LHFPL7: variants seen among roughly 807,000 people sequenced by gnomAD.
The protein encoded by LHFPL7 is LHFPL tetraspan subfamily member 7 protein.
the LHFPL7 span, chr22:24,938,435 C>A: frequency 7.0e-7 from 1 of 1,424,094 alleles, no homozygotes. Context: ...TGCTCATTGA[C>A]CAGCTTCTGA....
the LHFPL7 span, among the ~76,000 whole-genome samples, chr22:24,940,222 G>A: frequency 6.8e-6 from 1 of 146,670 alleles, no homozygotes; most frequent in Non-Finnish European, 1.5e-5. Context: ...CACCGCGCAC[G>A]GCCTATTTAT....
chr22:24,940,673 CCCT>C, the LHFPL7 span, among the ~76,000 whole-genome samples: 44 of 124,300 alleles, frequency 3.5e-4, no homozygotes, highest in African/African-American at 1.4e-3. Flanking sequence ...TTCCTTCCTT[CCCT>C]CCTTCCTTCT....
At chr22:24,940,906 G>C in the LHFPL7 span, among the ~76,000 whole-genome samples, 2 of 151,934 alleles carry the variant, frequency 1.3e-5, no homozygotes, top group Admixed American at 1.3e-4. Flanking sequence ...GACTACTGGG[G>C]CAGCTAATTT....
the LHFPL7 span, among the ~76,000 whole-genome samples, chr22:24,940,474 T>C: frequency 1.3e-5 from 2 of 150,862 alleles, no homozygotes; most frequent in African/African-American, 2.4e-5. Flanking sequence ...CGGGCGCCTG[T>C]AGTCCCAGCT....
chr22:24,940,437 CA>C, the LHFPL7 span, among the ~76,000 whole-genome samples: 4 of 148,070 alleles, frequency 2.7e-5, no homozygotes, highest in South Asian at 2.2e-4. Context: ...ACTAAAAATA[CA>C]AAAAAAAATT....
the LHFPL7 span, chr22:24,935,557 C>G: frequency 5.3e-5 from 86 of 1,612,290 alleles, 1 homozygote; most frequent in Non-Finnish European, 9.3e-6. Flanking sequence ...GAGGCAAGGC[C>G]GATTGGGAAA....
At chr22:24,941,421 G>A in the LHFPL7 span, among the ~76,000 whole-genome samples, 1 of 151,988 alleles carries the variant, frequency 6.6e-6, no homozygotes, top group African/African-American at 2.4e-5. Flanking sequence ...CTTTTGGACT[G>A]AAACACCATG....
the LHFPL7 span, among the ~76,000 whole-genome samples, chr22:24,935,778 A>T: frequency 6.6e-6 from 1 of 151,684 alleles, no homozygotes; most frequent in Non-Finnish European, 1.5e-5. Context: ...GCTTCCAACT[A>T]TCTGTCCCTT....
the LHFPL7 span, among the ~76,000 whole-genome samples, chr22:24,942,083 C>T: frequency 1.4e-4 from 22 of 152,230 alleles, no homozygotes; most frequent in East Asian, 4.1e-3. Flanking sequence ...GCAAGCTCTG[C>T]TTCCCGGGTT....
At chr22:24,938,380 A>G in the LHFPL7 span, 2 of 1,603,226 alleles carry the variant, frequency 1.2e-6, no homozygotes, top group East Asian at 4.5e-5. Flanking sequence ...AGGAAGAGAC[A>G]GAAGGAAGGG....
chr22:24,942,299 T>C, the LHFPL7 span, among the ~76,000 whole-genome samples: 1 of 152,200 alleles, frequency 6.6e-6, no homozygotes. Flanking sequence ...CGGCCTCAAA[T>C]GTATTTTAAT....
the LHFPL7 span, among the ~76,000 whole-genome samples, chr22:24,939,124 AT>A: frequency 6.6e-6 from 1 of 152,204 alleles, no homozygotes; most frequent in African/African-American, 2.4e-5. Context: ...AGAACTTGGC[AT>A]CTTTGCAAAG....
the LHFPL7 span, chr22:24,935,677 T>C: frequency 6.6e-7 from 1 of 1,505,300 alleles, no homozygotes; most frequent in South Asian, 1.3e-5. Context: ...ATCCACCCTT[T>C]ATCCACCCAT....
At chr22:24,943,800 G>T in the LHFPL7 span, among the ~76,000 whole-genome samples, 3 of 152,310 alleles carry the variant, frequency 2.0e-5, no homozygotes, top group Admixed American at 2.0e-4. Context: ...AGGGGACAGG[G>T]ATGATTCCAG....
chr22:24,940,379 G>A, the LHFPL7 span, among the ~76,000 whole-genome samples: 7 of 149,342 alleles, frequency 4.7e-5, no homozygotes, highest in Non-Finnish European at 7.5e-5. Flanking sequence ...GGATCACGAG[G>A]TCAGGAGATC....
At chr22:24,946,299 G>A in the LHFPL7 span, among the ~76,000 whole-genome samples, 1 of 152,136 alleles carries the variant, frequency 6.6e-6, no homozygotes, top group African/African-American at 2.4e-5. Context: ...GACAGAGCAA[G>A]ACTGTCTCAA....
the LHFPL7 span, among the ~76,000 whole-genome samples, chr22:24,943,731 A>G: frequency 9.9e-4 from 151 of 152,306 alleles, no homozygotes; most frequent in African/African-American, 3.6e-3. Flanking sequence ...AACGAACCCA[A>G]CGGCTTACTA....
At chr22:24,942,715 TC>T in the LHFPL7 span, among the ~76,000 whole-genome samples, 7 of 152,082 alleles carry the variant, frequency 4.6e-5, no homozygotes, top group African/African-American at 1.7e-4. Flanking sequence ...AGATTATGAA[TC>T]CCTTAGTCTG....
At chr22:24,942,892 AGTGT>A in the LHFPL7 span, among the ~76,000 whole-genome samples, 12,525 of 127,962 alleles carry the variant, frequency 0.098, 618 homozygotes, top group African/African-American at 0.15. Flanking sequence ...AAGGGGATAA[AGTGT>A]GTGTGTGTGT....
Sources: gnomAD v4.1 joint callset for allele counts (sites outside exome capture counted in the v4.1 genomes callset) on GRCh38, gnomAD v4.1.1 for gene constraint, MANE v1.5 for transcripts, NCBI Gene and HGNC (gene_info 2026-07-23, HGNC 2026-07-21) for gene names.